The following ARPP21 variants were observed in gnomAD, a reference collection of about 807,000 sequenced individuals.
The protein encoded by ARPP21 is cAMP regulated phosphoprotein 21.
ARPP21 carries 69 observed loss-of-function variants against 113.2 expected under a neutral mutation model. The observed-to-expected ratio is 0.61, with a 90% CI of 0.50 to 0.74. The LOEUF (loss-of-function observed/expected upper bound fraction) is 0.74. ARPP21 is among the 30% of genes least tolerant of loss of function. ARPP21 has a pLI of 0.00. For synonymous variants in ARPP21, 368 were observed against 375.5 expected, an observed-to-expected ratio of 0.98 and a Z score of 0.23; for missense variants, 1,070 against 1,037.4, an observed-to-expected ratio of 1.03 and a Z score of -0.43.
At chr3:35,676,325 G>T (rs1390529030) in intron 1 of ARPP21, among the ~76,000 whole-genome samples, 5 of 143,096 alleles carry the variant, frequency 3.5e-5, no homozygotes, top group African/African-American at 1.3e-4. Flanking sequence ...GGTTATGTTT[G>T]ATCCAGGTTA....
intron 9 of ARPP21, among the ~76,000 whole-genome samples, chr3:35,705,330 T>A (rs1559682443): frequency 6.6e-6 from 1 of 152,330 alleles, no homozygotes; most frequent in East Asian, 1.9e-4. Context: ...GAAATTGAAG[T>A]GTCTTGTGAC....
intron 19 of ARPP21, among the ~76,000 whole-genome samples, chr3:35,759,123 A>C (rs2095670658): frequency 6.6e-6 from 1 of 152,054 alleles, no homozygotes; most frequent in South Asian, 2.1e-4. Context: ...CCATGAGGTT[A>C]ATGTGGTTTT....
In ARPP21 at chr3:35,743,893, T is replaced by C. The variant is rs1193871871; in HGVS notation, c.2065T>C (p.Tyr689His). The C allele has an allele frequency of 1.2e-6, 2 of 1,613,580 alleles. No homozygotes were observed. Among genetic ancestry groups the C allele is most frequent in the African/African-American group, 2.7e-5 (2 of 74,928 alleles). Residue 689 changes from tyrosine (Y) to histidine (H), a missense_variant, in exon 19 of 21, where the codon TAC (tyrosine) becomes CAC (histidine). Coordinates refer to ENST00000684406, the MANE Select transcript of ARPP21 (RefSeq NM_001385562.1). ...GTACCCTACCTCAACCACGCAACAG[T>C]ACCGGCCCATGGCCCCGGTTCAGTA... is the stretch of plus-strand genomic sequence containing the variant. ...GQYPTSTTQQ[Y>H]RPMAPVQYNA...
chr3:35,753,221 T>C (rs1383366553), intron 19 of ARPP21, among the ~76,000 whole-genome samples: 3 of 151,934 alleles, frequency 2.0e-5, no homozygotes, highest in African/African-American at 7.2e-5. Flanking sequence ...AACCATCTAA[T>C]TCAAATATAA....
chr3:35,723,982 T>A (rs565102634), intron 14 of ARPP21, among the ~76,000 whole-genome samples: 3 of 152,234 alleles, frequency 2.0e-5, no homozygotes, highest in African/African-American at 7.2e-5. Flanking sequence ...ACAGCACAAG[T>A]TTTCAGTTTT....
intron 1 of ARPP21, among the ~76,000 whole-genome samples, chr3:35,659,483 A>G (rs1214660123): frequency 6.6e-6 from 1 of 152,186 alleles, no homozygotes; most frequent in Non-Finnish European, 1.5e-5. Flanking sequence ...TTCCTATTGT[A>G]TTCTAGACAT....
chr3:35,694,583 T>C (rs1056664403), intron 9 of ARPP21, among the ~76,000 whole-genome samples: 20 of 151,578 alleles, frequency 1.3e-4, no homozygotes, highest in Admixed American at 8.6e-4. Context: ...ATGGTTAGCA[T>C]GACTGGGACC....
intron 7 of ARPP21, 74 bp from the exon 8 acceptor site, chr3:35,690,007 C>A: frequency 1.3e-6 from 1 of 747,204 alleles, no homozygotes; most frequent in Non-Finnish European, 2.5e-6. Context: ...CTTTTCCATA[C>A]ATTTAATTAA....
In ARPP21 at chr3:35,707,129, TG is replaced by T. The variant is rs769924460; in HGVS notation, c.795+50del. On this transcript the variant is annotated intron_variant, in intron 10 of 20. Coordinates refer to ENST00000684406, the MANE Select transcript of ARPP21 (RefSeq NM_001385562.1). ...TGGCTGACATTGTTGTTTTTGAAGG[TG>T]GGCTGACTGATGTTCATGTCGTCCC... 5.6e-6 allele frequency: 8 copies of T among 1,421,994 alleles called. No homozygotes were observed. In the African/African-American group the frequency reaches 9.9e-5, roughly 18 times the overall value. The allele number at this position is 1,421,994 out of a possible 1,614,324, so 88.1% of individuals were successfully genotyped here.
At chr3:35,685,222 C>A in intron 5 of ARPP21, 1 of 985,286 alleles carries the variant, frequency 1.0e-6, no homozygotes, top group Non-Finnish European at 1.2e-6. Flanking sequence ...TATCACAGTG[C>A]CCACTCTGGA....
chr3:35,740,699 G>T (rs2094599598), intron 18 of ARPP21, among the ~76,000 whole-genome samples: 1 of 152,190 alleles, frequency 6.6e-6, no homozygotes, highest in African/African-American at 2.4e-5. Context: ...AAATAATTTA[G>T]CTCTTTTGGC....
chr3:35,692,109 G>GA (rs1413705547), intron 9 of ARPP21, among the ~76,000 whole-genome samples: 1 of 151,504 alleles, frequency 6.6e-6, no homozygotes, highest in Non-Finnish European at 1.5e-5. Flanking sequence ...CAGGGACAAT[G>GA]AGCACTCCAC....
chr3:35,753,693 A>G (rs896671566), intron 19 of ARPP21, among the ~76,000 whole-genome samples: 11 of 152,054 alleles, frequency 7.2e-5, no homozygotes, highest in Non-Finnish European at 1.2e-4. Context: ...CTTCATAGAA[A>G]TTCAATAAAT....
chr3:35,731,892 G>A (rs2093999591), intron 15 of ARPP21, among the ~76,000 whole-genome samples: 1 of 152,094 alleles, frequency 6.6e-6, no homozygotes. Flanking sequence ...AACTGCCCTT[G>A]GGCTCATTTC....
intron 16 of ARPP21, among the ~76,000 whole-genome samples, chr3:35,737,829 C>T (rs569255067): frequency 2.0e-5 from 3 of 152,284 alleles, no homozygotes; most frequent in South Asian, 2.1e-4. Flanking sequence ...TAGAGAGATG[C>T]GGAGCTGCCC....
chr3:35,691,899 A>G (rs545344760), intron 9 of ARPP21, among the ~76,000 whole-genome samples: 12 of 151,592 alleles, frequency 7.9e-5, no homozygotes, highest in Admixed American at 7.9e-4. Context: ...TACTGAAGGG[A>G]GCTTTTGTGT....
intron 19 of ARPP21, among the ~76,000 whole-genome samples, chr3:35,750,840 C>A (rs1001771590): frequency 3.9e-5 from 6 of 152,148 alleles, no homozygotes; most frequent in Non-Finnish European, 7.4e-5. Flanking sequence ...AAAAAGTTAA[C>A]ATTTCATAAA....
chr3:35,650,708 C>T (rs1456783631), intron 1 of ARPP21, among the ~76,000 whole-genome samples: 1 of 151,904 alleles, frequency 6.6e-6, no homozygotes, highest in Non-Finnish European at 1.5e-5. Flanking sequence ...TTAGGTTGCT[C>T]TCCAACAAGA....
Position 35,739,370 on chromosome 3 carries a change from G to A in ARPP21, c.1803G>A (p.Ser601=), listed in dbSNP as rs368956855. ...FGQMTLSRQS[S]GETPEPPSGP... ...AGATGACCCTGAGCCGGCAGTCCTC[G>A]GGGGAGACTCCTGAACCCCCATCAG... Residue 601 remains serine (S), a synonymous_variant, in exon 18 of 21, where the codon TCG becomes TCA. Transcript: ENST00000684406. 346 of 1,613,990 alleles carry A rather than the reference G, an allele frequency of 2.1e-4. No individual in the cohort carries two copies. The highest frequency in any genetic ancestry group is 2.7e-4 in the Non-Finnish European group (315 of 1,179,994).
Sources: allele counts gnomAD v4.1 joint callset (sites outside exome capture counted in the v4.1 genomes callset), GRCh38; gene constraint gnomAD v4.1.1; transcripts MANE v1.5; gene names NCBI Gene and HGNC (gene_info 2026-07-23, HGNC 2026-07-21).